Variants in TRPM1 observed in about 807,000 individuals in gnomAD.
The protein encoded by TRPM1 is transient receptor potential cation channel subfamily M member 1, also known as TRPM1-203 APA Isoform, Intron 10.
A neutral mutation model predicts 149.4 loss-of-function variants in TRPM1; 113 were observed. The observed-to-expected ratio is 0.76, with a 90% CI of 0.65 to 0.88. The LOEUF (loss-of-function observed/expected upper bound fraction) is 0.88. TRPM1 is among the 40% of genes least tolerant of loss of function. TRPM1 has a pLI of 0.00. For synonymous variants in TRPM1, 741 were observed against 759.5 expected (o/e 0.98, Z 0.40); for missense variants, 1,976 against 2,038.7 (o/e 0.97, Z 0.59).
chr15:31,063,216 G>A lies in TRPM1; in HGVS notation c.867C>T (p.Tyr289=). ...CAGGGATGGGAGGCTCTTCTTGCAG[G>A]TATTCCAAGACGATGGACACCACGT... is the stretch of plus-strand genomic sequence containing the variant. ...GPNVVSIVLE[Y]LQEEPPIPVV... is the part of the protein sequence containing the mutation. Residue 289 remains tyrosine (Y), a synonymous_variant, in exon 8 of 28, where the codon TAC becomes TAT. Coordinates refer to ENST00000256552, the MANE Select transcript of TRPM1 (RefSeq NM_001252024.2). 2 of 1,614,152 alleles carry A rather than the reference G, an allele frequency of 1.2e-6. No homozygotes were observed. The highest frequency in any genetic ancestry group is 1.7e-5 in the Admixed American group (1 of 60,014).
Position 31,149,680 on chromosome 15 carries a change from T to C in TRPM1, c.54+11226A>G, listed in dbSNP as rs369265077. Among the ~76,000 whole-genome samples the C allele has an allele frequency of 5.8e-4, 88 of 152,200 alleles. 1 individual carries two copies. The highest frequency in any genetic ancestry group is 3.4e-3 in the Middle Eastern group (1 of 294). On this transcript the variant is annotated intron_variant, in intron 1 of 26. Transcript: ENST00000542188. ...GACTACAAGCACCCGCCACCGCGCC[T>C]GGCTAATTTTTTGTATTTTTAGTAG...
intron 11 of TRPM1, among the ~76,000 whole-genome samples, chr15:31,053,667 T>C (rs980723708): frequency 6.6e-6 from 1 of 152,184 alleles, no homozygotes; most frequent in African/African-American, 2.4e-5. Flanking sequence ...ATGGTGCAAC[T>C]GCTGTGGGAG....
intron 1 of TRPM1, among the ~76,000 whole-genome samples, chr15:31,151,027 T>A (rs2036296248): frequency 6.6e-6 from 1 of 152,168 alleles, no homozygotes; most frequent in African/African-American, 2.4e-5. Flanking sequence ...TGGTTTCTTG[T>A]AAAAGCGTTT....
rs2241497 is a variant in TRPM1 at position 31,076,712 on chromosome 15, C to G, written c.83+193G>C. On this transcript the variant is annotated intron_variant, in intron 3 of 27. Transcript: ENST00000256552. ...TTCGCATTAGGGTGGGTGGTGGACA[C>G]AAACTCTTTTCTGAAGCCATTTGCA... is the stretch of plus-strand genomic sequence containing the variant. 0.51 allele frequency among the ~76,000 whole-genome samples: 77,685 copies of G among 151,532 alleles called. 20,291 individuals are homozygous for G. The highest frequency in any genetic ancestry group is 0.79 in the East Asian group (4,052 of 5,138).
intron 27 of TRPM1, among the ~76,000 whole-genome samples, chr15:31,004,340 T>C (rs2031898230): frequency 6.6e-6 from 1 of 152,086 alleles, no homozygotes; most frequent in Admixed American, 6.5e-5. Context: ...TGCCTGCCAC[T>C]GTTTGCATCG....
At chr15:31,071,803 T>C (rs1383557578) in intron 3 of TRPM1, among the ~76,000 whole-genome samples, 2 of 150,954 alleles carry the variant, frequency 1.3e-5, no homozygotes, top group Non-Finnish European at 3.0e-5. Flanking sequence ...GTCTCCACCA[T>C]AAACACAAAA....
chr15:31,026,851 G>A (rs2032784843), intron 26 of TRPM1, 64 bp downstream of exon 26: 4 of 1,534,456 alleles, frequency 2.6e-6, no homozygotes, highest in South Asian at 1.1e-5. Context: ...TTTCTGTGAG[G>A]ATGTCCAATT....
At chr15:31,118,448 C>T (rs73375954) in intron 1 of TRPM1, among the ~76,000 whole-genome samples, 2,319 of 151,968 alleles carry the variant, frequency 0.015, 62 homozygotes, top group African/African-American at 0.053. Context: ...ATGATAAATA[C>T]CAAAATATGT....
intron 23 of TRPM1, among the ~76,000 whole-genome samples, chr15:31,030,277 T>C (rs1401789207): frequency 6.6e-6 from 1 of 152,210 alleles, no homozygotes; most frequent in African/African-American, 2.4e-5. Context: ...AATCACAACA[T>C]GCAAATGAAA....
intron 16 of TRPM1, among the ~76,000 whole-genome samples, chr15:31,043,359 A>AT (rs1045191945): frequency 5.2e-4 from 79 of 151,790 alleles, no homozygotes; most frequent in African/African-American, 1.5e-3. Context: ...CGCCCGGCTA[A>AT]TTTTTTGTAT....
chr15:31,048,213 T>C (rs748704365), intron 13 of TRPM1, among the ~76,000 whole-genome samples: 2 of 152,006 alleles, frequency 1.3e-5, no homozygotes, highest in African/African-American at 2.4e-5. Flanking sequence ...TGAGCTAAGA[T>C]TGCACCACTA....
chr15:31,153,012 A>G (rs2036324059), intron 1 of TRPM1, among the ~76,000 whole-genome samples: 1 of 152,222 alleles, frequency 6.6e-6, no homozygotes, highest in Non-Finnish European at 1.5e-5. Context: ...GTATAGCATC[A>G]TGACAGATAG....
chr15:31,012,083 T>C (rs1015222167), intron 27 of TRPM1, among the ~76,000 whole-genome samples: 3 of 152,236 alleles, frequency 2.0e-5, no homozygotes, highest in Admixed American at 1.3e-4. Flanking sequence ...CCCATCAACA[T>C]AGATTTGTAA....
At chr15:31,096,066 T>TAA (rs1205693774) in intron 1 of TRPM1, among the ~76,000 whole-genome samples, 1 of 142,372 alleles carries the variant, frequency 7.0e-6, no homozygotes, top group African/African-American at 2.6e-5. Flanking sequence ...AAAATAAAAA[T>TAA]AGAAAAGAAA....
intron 1 of TRPM1, among the ~76,000 whole-genome samples, chr15:31,110,918 C>A (rs1390874437): frequency 6.7e-6 from 1 of 149,670 alleles, no homozygotes; most frequent in Non-Finnish European, 1.5e-5. Context: ...CCCTTCCCTC[C>A]CTCCCTTCTG....
At chr15:31,061,617 T>A in intron 9 of TRPM1, 103 bp from the exon 10 acceptor site, 1 of 921,366 alleles carries the variant, frequency 1.1e-6, no homozygotes, top group Non-Finnish European at 1.8e-6. Flanking sequence ...AATAAAATGA[T>A]CCTGAGCACT....
At chr15:31,072,445 C>T (rs78761205) in intron 3 of TRPM1, among the ~76,000 whole-genome samples, 2,516 of 152,170 alleles carry the variant, frequency 0.017, 81 homozygotes, top group African/African-American at 0.058. Context: ...TTGGGCTATT[C>T]GCACTCTTCA....
chr15:31,122,952 T>C lies in TRPM1; in HGVS notation c.54+37954A>G, dbSNP rs114123526. On this transcript the variant is annotated intron_variant, in intron 1 of 26. Transcript: ENST00000542188. ...CTCAAGATTTACTATAAAGCTATAA[T>C]AATTAAGACAGTGTGGTATTGGTGA... Among the ~76,000 whole-genome samples the C allele has an allele frequency of 1.9e-3, 292 of 152,290 alleles. 1 individual carries two copies. Among genetic ancestry groups the C allele is most frequent in the African/African-American group, 6.4e-3 (264 of 41,568 alleles).
chr15:31,131,636 G>A (rs1033978433), intron 1 of TRPM1, among the ~76,000 whole-genome samples: 1 of 152,198 alleles, frequency 6.6e-6, no homozygotes, highest in African/African-American at 2.4e-5. Context: ...GTGGATGAAG[G>A]GGGGACTGCT....
Sources: allele counts gnomAD v4.1 joint callset (sites outside exome capture counted in the v4.1 genomes callset), GRCh38; gene constraint gnomAD v4.1.1; transcripts MANE v1.5; gene names NCBI Gene and HGNC (gene_info 2026-07-23, HGNC 2026-07-21).